Variants in RIMOC1 observed in about 807,000 individuals in gnomAD.
The protein encoded by RIMOC1 is RAB7A-interacting MON1-CCZ1 complex subunit 1.
the RIMOC1 span, chr5:41,911,958 CTATA>C: frequency 2.8e-6 from 2 of 723,958 alleles, no homozygotes; most frequent in Non-Finnish European, 4.9e-6. Context: ...TAAGCTATGC[CTATA>C]TATTAACCAA....
chr5:41,920,427 A>G, the RIMOC1 span: 1 of 152,190 alleles, frequency 6.6e-6, no homozygotes, highest in Non-Finnish European at 1.5e-5. Flanking sequence ...TCACTCAACT[A>G]TTGTATGCCT....
At chr5:41,916,924 G>A in the RIMOC1 span, 1 of 1,169,802 alleles carries the variant, frequency 8.5e-7, no homozygotes, top group Admixed American at 2.6e-5. Flanking sequence ...AATGCTTAAT[G>A]ACAAAAGGAA....
the RIMOC1 span, chr5:41,907,935 A>G: frequency 1.3e-6 from 1 of 762,702 alleles, no homozygotes; most frequent in Non-Finnish European, 2.1e-6. Context: ...AAATCAGTTT[A>G]TTCTATATTT....
the RIMOC1 span, among the ~76,000 whole-genome samples, chr5:41,904,743 T>C: frequency 6.6e-6 from 1 of 152,164 alleles, no homozygotes; most frequent in Non-Finnish European, 1.5e-5. Context: ...TCGGTAGCGA[T>C]TGGAAGAAGG....
At chr5:41,916,873 T>A in the RIMOC1 span, 1 of 580,626 alleles carries the variant, frequency 1.7e-6, no homozygotes, top group African/African-American at 1.9e-5. Flanking sequence ...ATTGTGTTAG[T>A]CATATTTGGC....
the RIMOC1 span, chr5:41,918,437 T>A: frequency 1.0e-6 from 1 of 985,638 alleles, no homozygotes; most frequent in Non-Finnish European, 1.2e-6. Flanking sequence ...CCTTTCAGGC[T>A]TTCTTCCCTA....
chr5:41,918,158 A>G, the RIMOC1 span: 2 of 985,638 alleles, frequency 2.0e-6, no homozygotes, highest in Non-Finnish European at 2.4e-6. Flanking sequence ...TCATCTTTGG[A>G]TGATCTTTCT....
chr5:41,905,190 C>G, the RIMOC1 span, among the ~76,000 whole-genome samples: 1 of 152,188 alleles, frequency 6.6e-6, no homozygotes, highest in African/African-American at 2.4e-5. Flanking sequence ...TGGACTGACT[C>G]ATATCATCGG....
chr5:41,915,503 A>G, the RIMOC1 span, among the ~76,000 whole-genome samples: 75 of 152,298 alleles, frequency 4.9e-4, 1 homozygote, highest in South Asian at 3.1e-3. Flanking sequence ...CATGCTGCCA[A>G]TAAAGACATA....
chr5:41,911,146 G>A, the RIMOC1 span: 38 of 1,606,920 alleles, frequency 2.4e-5, no homozygotes, highest in Non-Finnish European at 3.0e-5. Flanking sequence ...AAAGAAGAGA[G>A]TGGCTCTTAA....
At chr5:41,917,324 T>C in the RIMOC1 span, 1 of 1,555,876 alleles carries the variant, frequency 6.4e-7, no homozygotes, top group South Asian at 1.2e-5. Context: ...CCTTTTCAAA[T>C]AGAAAAACAA....
chr5:41,912,318 T>G, the RIMOC1 span: 1 of 582,744 alleles, frequency 1.7e-6, no homozygotes, highest in South Asian at 2.2e-5. Flanking sequence ...TAATAAAGGG[T>G]TTATATAAAA....
chr5:41,917,467 A>G, the RIMOC1 span: 1 of 1,343,768 alleles, frequency 7.4e-7, no homozygotes, highest in African/African-American at 1.5e-5. Flanking sequence ...TTTTCATTAT[A>G]TATTAGTAAA....
the RIMOC1 span, chr5:41,909,962 A>G: frequency 7.9e-7 from 1 of 1,267,308 alleles, no homozygotes; most frequent in Non-Finnish European, 1.1e-6. Flanking sequence ...TTTGGAGTCT[A>G]TATTTTTTTC....
chr5:41,921,001 T>A, the RIMOC1 span: 4 of 152,640 alleles, frequency 2.6e-5, no homozygotes, highest in Admixed American at 6.5e-5. Flanking sequence ...ATTTTTTTGA[T>A]GTTAACTAGG....
At chr5:41,906,547 A>G in the RIMOC1 span, among the ~76,000 whole-genome samples, 514 of 152,356 alleles carry the variant, frequency 3.4e-3, 4 homozygotes, top group African/African-American at 0.012. Flanking sequence ...GGCATGTCAT[A>G]TTCCATGTAA....
the RIMOC1 span, among the ~76,000 whole-genome samples, chr5:41,909,414 G>A: frequency 2.6e-5 from 4 of 152,054 alleles, no homozygotes; most frequent in South Asian, 2.1e-4. Flanking sequence ...ATTTTCAGGG[G>A]TTATATAAGT....
the RIMOC1 span, among the ~76,000 whole-genome samples, chr5:41,914,155 T>C: frequency 6.6e-6 from 1 of 152,164 alleles, no homozygotes; most frequent in African/African-American, 2.4e-5. Flanking sequence ...GAGTTTTTTC[T>C]TCAGGAAGCA....
the RIMOC1 span, among the ~76,000 whole-genome samples, chr5:41,913,352 T>A: frequency 6.6e-6 from 1 of 152,232 alleles, no homozygotes; most frequent in South Asian, 2.1e-4. Context: ...TTGGGGAGAA[T>A]GAATACTGGT....
Sources: allele counts gnomAD v4.1 joint callset (sites outside exome capture counted in the v4.1 genomes callset), GRCh38; gene constraint gnomAD v4.1.1; transcripts MANE v1.5; gene names NCBI Gene and HGNC (gene_info 2026-07-23, HGNC 2026-07-21).